Variants in ARHGAP39 observed in about 807,000 individuals in gnomAD.
ARHGAP39 encodes Rho GTPase activating protein 39.
ARHGAP39 carries 44 observed loss-of-function variants against 106.9 expected under a neutral mutation model. The ratio of observed to expected loss-of-function variants is 0.41; its 90% CI spans 0.32 to 0.53. The LOEUF is 0.53. Among genes scored for constraint, ARHGAP39 ranks in the 20% least tolerant of loss-of-function variants. ARHGAP39 has a pLI of 0.21. For synonymous variants in ARHGAP39, 768 were observed against 693.2 expected (o/e 1.11, Z -1.69); for missense variants, 1,496 against 1,577.3 (o/e 0.95, Z 0.87).
chr8:144,552,438 C>T (rs544106616), intron 4 of ARHGAP39, among the ~76,000 whole-genome samples: 14 of 152,356 alleles, frequency 9.2e-5, no homozygotes, highest in African/African-American at 3.1e-4. Flanking sequence ...CCGAGGAAAA[C>T]GCTCCGCCAG....
At chr8:144,676,050 G>A (rs1464241731) in intron 1 of ARHGAP39, among the ~76,000 whole-genome samples, 1 of 152,174 alleles carries the variant, frequency 6.6e-6, no homozygotes, top group Admixed American at 6.5e-5. Context: ...GAGTGTCACA[G>A]CTCATAAAGG....
At chr8:144,561,621 ATCGGACCCCAGTGGTTTCCATCGCG>A (rs1818164994) in intron 3 of ARHGAP39, among the ~76,000 whole-genome samples, 1 of 145,530 alleles carries the variant, frequency 6.9e-6, no homozygotes. Context: ...AGTGGTTTCC[ATCGGACCCCAGTGGTTTCCATCGCG>A]CTCCAGTGGT....
At chr8:144,699,089 G>A in the ARHGAP39 span, 1 of 320,060 alleles carries the variant, frequency 3.1e-6, no homozygotes, top group Non-Finnish European at 6.1e-6. Flanking sequence ...TCTCTTGGGA[G>A]GTACCCGGAG....
At chr8:144,595,928 G>A (rs1819603841) in intron 2 of ARHGAP39, among the ~76,000 whole-genome samples, 1 of 152,080 alleles carries the variant, frequency 6.6e-6, no homozygotes, top group South Asian at 2.1e-4. Context: ...TCTTTGCCAC[G>A]CTGCTCCTCT....
chr8:144,634,819 G>A (rs1298877433), intron 1 of ARHGAP39, among the ~76,000 whole-genome samples: 3 of 144,518 alleles, frequency 2.1e-5, no homozygotes, highest in Non-Finnish European at 4.5e-5. Context: ...GGCCTCTGCA[G>A]GCGCAGTCTC....
chr8:144,642,491 GA>G (rs1222928220), intron 1 of ARHGAP39, among the ~76,000 whole-genome samples: 5 of 149,800 alleles, frequency 3.3e-5, no homozygotes, highest in Non-Finnish European at 3.0e-5. Flanking sequence ...CGTCTTAGGG[GA>G]AAAAAAATAG....
At chr8:144,612,923 G>A (rs1015223514) in intron 1 of ARHGAP39, among the ~76,000 whole-genome samples, 1 of 152,260 alleles carries the variant, frequency 6.6e-6, no homozygotes, top group Non-Finnish European at 1.5e-5. Context: ...CCATCTTGCT[G>A]TGTGTTACCT....
At chr8:144,580,804 C>A (rs747187700) in intron 3 of ARHGAP39, 42 bp downstream of exon 3, 38 of 1,473,060 alleles carry the variant, frequency 2.6e-5, no homozygotes, top group East Asian at 4.8e-5. Context: ...CCGCCCACTC[C>A]ATTCACCTGG....
chr8:144,580,758 G>GCGGGGGGGCCCCCCCCCCCC lies in ARHGAP39; in HGVS notation c.512+87_512+88insGGGGGGGGGGGGCCCCCCCG. The GCGGGGGGGCCCCCCCCCCCC allele has an allele frequency of 1.1e-5, 2 of 185,576 alleles. 1 individual carries two copies. Among genetic ancestry groups the GCGGGGGGGCCCCCCCCCCCC allele is most frequent in the Non-Finnish European group, 2.1e-5 (2 of 93,152 alleles). The allele number at this position is 185,576 out of a possible 1,614,324, so 11.5% of individuals were successfully genotyped here. ...CCTTCACCAGTCCCGCTCTCACCTGGCCCCGCCCACCACCCCCTACCTGCC... is the reference window on the plus strand; with the variant it reads ...CCTTCACCAGTCCCGCTCTCACCTGGCGGGGGGGCCCCCCCCCCCCCCCCGCCCACCACCCCCTACCTGCC... On this transcript the variant is annotated intron_variant, in intron 3 of 11. Coordinates refer to ENST00000377307, the MANE Select transcript of ARHGAP39 (RefSeq NM_025251.3).
At chr8:144,666,678 G>A (rs1821973390) in intron 1 of ARHGAP39, among the ~76,000 whole-genome samples, 1 of 152,122 alleles carries the variant, frequency 6.6e-6, no homozygotes, top group South Asian at 2.1e-4. Flanking sequence ...ATGATTCTGA[G>A]GGCTCCCCAG....
At chr8:144,603,357 G>A (rs925728555) in intron 2 of ARHGAP39, among the ~76,000 whole-genome samples, 4 of 152,072 alleles carry the variant, frequency 2.6e-5, no homozygotes, top group African/African-American at 9.7e-5. Flanking sequence ...GCACGCTCGT[G>A]AACCTGTGTG....
chr8:144,616,542 G>A (rs958720195), intron 1 of ARHGAP39, among the ~76,000 whole-genome samples: 2 of 152,296 alleles, frequency 1.3e-5, no homozygotes, highest in Admixed American at 6.5e-5. Flanking sequence ...CCTCCAAGCT[G>A]AGCCCCCCAA....
At chr8:144,692,507 C>G in the ARHGAP39 span, among the ~76,000 whole-genome samples, 2 of 152,160 alleles carry the variant, frequency 1.3e-5, no homozygotes, top group Non-Finnish European at 2.9e-5. Flanking sequence ...ACTATAAATC[C>G]TCCTCAAAGA....
Position 144,576,059 on chromosome 8 carries a change from A to G in ARHGAP39, c.512+4787T>C, listed in dbSNP as rs573039002. Among the ~76,000 whole-genome samples the G allele has an allele frequency of 4.6e-5, 7 of 152,278 alleles. No individual in the cohort carries two copies. In the South Asian group the frequency reaches 1.0e-3, roughly 23 times the overall value. On this transcript the variant is annotated intron_variant, in intron 3 of 11. Transcript: ENST00000377307. ...CAAAATCCCAACAGAGTGGCCGGGC[A>G]TGGTGGCTCACGCCTGTAATCCAGC...
At chr8:144,581,364 G>A in intron 2 of ARHGAP39, 87 bp from the exon 3 acceptor site, 1 of 1,351,934 alleles carries the variant, frequency 7.4e-7, no homozygotes, top group Non-Finnish European at 1.0e-6. Context: ...TCCAGCCCCA[G>A]CTGCGAAACC....
intron 1 of ARHGAP39, among the ~76,000 whole-genome samples, chr8:144,627,632 G>A (rs1374714663): frequency 1.3e-5 from 2 of 151,226 alleles, no homozygotes; most frequent in Non-Finnish European, 2.9e-5. Flanking sequence ...CGGGACACAC[G>A]CCTTGGTCCC....
intron 1 of ARHGAP39, among the ~76,000 whole-genome samples, chr8:144,619,255 C>G (rs975793731): frequency 2.0e-4 from 31 of 152,260 alleles, no homozygotes; most frequent in Admixed American, 3.9e-4. Context: ...GAAACAGCAT[C>G]TGCCTGGGCT....
At chr8:144,594,926 C>T (rs1819551660) in intron 2 of ARHGAP39, among the ~76,000 whole-genome samples, 2 of 151,960 alleles carry the variant, frequency 1.3e-5, no homozygotes, top group South Asian at 4.2e-4. Context: ...GCTGTAATCT[C>T]GGCACTTTGG....
rs1182318858 is a variant in ARHGAP39 at position 144,530,283 on chromosome 8, C to T, written c.*139G>A. Reference sequence around the variant, plus strand: ...GACCAGGCAGAAGACGTGGGGAGCGCCGGGGCCAGGGGCCTGGGGGAGTGG... The same window carrying T: ...GACCAGGCAGAAGACGTGGGGAGCGTCGGGGCCAGGGGCCTGGGGGAGTGG... On this transcript the variant is annotated 3_prime_UTR_variant, in exon 12 of 12. Transcript: ENST00000377307. The T allele has an allele frequency of 3.1e-6, 3 of 954,006 alleles. No individual in the cohort carries two copies. The highest frequency in any genetic ancestry group is 1.7e-5 in the South Asian group (1 of 59,004). The allele number at this position is 954,006 out of a possible 1,614,324, so 59.1% of individuals were successfully genotyped here.
Sources: allele counts gnomAD v4.1 joint callset (sites outside exome capture counted in the v4.1 genomes callset), GRCh38; gene constraint gnomAD v4.1.1; transcripts MANE v1.5; gene names NCBI Gene and HGNC (gene_info 2026-07-23, HGNC 2026-07-21).